Variants in RAB22A observed in about 807,000 individuals in gnomAD.
RAB22A encodes the protein RAB22A, member RAS oncogene family, also known as ras-related protein Rab-22A.
Under a neutral mutation model 30.2 loss-of-function variants are expected in RAB22A, and 13 were observed. The observed-to-expected ratio is 0.43, with a 90% CI of 0.28 to 0.68. The LOEUF (loss-of-function observed/expected upper bound fraction) is 0.68, where lower values mean the gene tolerates loss of function less well. Among genes scored for constraint, RAB22A ranks in the 30% least tolerant of loss-of-function variants. RAB22A has a pLI of 0.18. For synonymous variants in RAB22A, 89 were observed against 87.2 expected (o/e 1.02, Z -0.11); for missense variants, 177 against 246.8 (o/e 0.72, Z 1.89).
At chr20:58,328,150 C>T (rs1386118997) in intron 2 of RAB22A, among the ~76,000 whole-genome samples, 1 of 152,120 alleles carries the variant, frequency 6.6e-6, no homozygotes, top group Non-Finnish European at 1.5e-5. Context: ...AAATCCTATA[C>T]CTGCAACTTT....
intron 2 of RAB22A, among the ~76,000 whole-genome samples, chr20:58,322,477 A>T (rs188794408): frequency 6.6e-6 from 1 of 152,356 alleles, no homozygotes; most frequent in Admixed American, 6.5e-5. Context: ...ACTGATTTAC[A>T]TCATTTTTAT....
chr20:58,333,310 TCCCGCC>T (rs1338152831), intron 2 of RAB22A, among the ~76,000 whole-genome samples: 1 of 150,980 alleles, frequency 6.6e-6, no homozygotes, highest in Admixed American at 6.6e-5. Context: ...AATAAATAAA[TCCCGCC>T]AGCTAATTCT....
At position 58,363,250 on chromosome 20, in the gene RAB22A, A is replaced by G. The variant is rs1417229516; in HGVS notation, c.*3547A>G. The G allele has an allele frequency of 6.6e-6, 1 of 152,222 alleles. No homozygotes were observed. Among genetic ancestry groups the G allele is most frequent in the Non-Finnish European group, 1.5e-5 (1 of 68,036 alleles). The allele number at this position is 152,222 out of a possible 1,614,324, so 9.4% of individuals were successfully genotyped here. On this transcript the variant is annotated 3_prime_UTR_variant, in exon 7 of 7. Coordinates refer to ENST00000244040, the MANE Select transcript of RAB22A (RefSeq NM_020673.3). ...AGGCATCTTTTAGATTCTAAGAGTG[A>G]GTTACAGAATTCTTTTTGGTACTTT... is the stretch of plus-strand genomic sequence containing the variant.
At chr20:58,315,790 A>G (rs925866622) in intron 2 of RAB22A, among the ~76,000 whole-genome samples, 3 of 151,724 alleles carry the variant, frequency 2.0e-5, no homozygotes, top group Admixed American at 6.6e-5. Flanking sequence ...CCCTCATCCT[A>G]TCTTGCCGGG....
intron 6 of RAB22A, among the ~76,000 whole-genome samples, chr20:58,358,630 C>G (rs1231994072): frequency 6.6e-6 from 1 of 152,208 alleles, no homozygotes; most frequent in Non-Finnish European, 1.5e-5. Context: ...CACAGTGGCT[C>G]ACATCAGTAA....
intron 2 of RAB22A, among the ~76,000 whole-genome samples, chr20:58,334,666 T>C (rs188253460): frequency 1.6e-4 from 24 of 150,308 alleles, no homozygotes; most frequent in African/African-American, 5.8e-4. Context: ...CTCCGTGATA[T>C]AAAATATATC....
At chr20:58,323,462 T>C (rs988334968) in intron 2 of RAB22A, among the ~76,000 whole-genome samples, 4 of 152,076 alleles carry the variant, frequency 2.6e-5, no homozygotes, top group Non-Finnish European at 5.9e-5. Flanking sequence ...ATTTTACTTA[T>C]TCTATGAGAT....
At chr20:58,353,214 G>C (rs907726906) in intron 3 of RAB22A, 59 bp from the exon 4 acceptor site, 5 of 1,438,516 alleles carry the variant, frequency 3.5e-6, no homozygotes, top group Non-Finnish European at 4.9e-6. Flanking sequence ...TATAAATCTA[G>C]TATAAAACAT....
At chr20:58,313,294 A>G (rs1986267763) in intron 2 of RAB22A, among the ~76,000 whole-genome samples, 1 of 152,160 alleles carries the variant, frequency 6.6e-6, no homozygotes, top group Non-Finnish European at 1.5e-5. Context: ...AAAATAGCAT[A>G]CAAGGCTTTC....
chr20:58,327,086 C>A (rs935132092), intron 2 of RAB22A, among the ~76,000 whole-genome samples: 5 of 152,068 alleles, frequency 3.3e-5, no homozygotes, highest in Admixed American at 1.3e-4. Flanking sequence ...GTGGGAGGAA[C>A]GCTTGAGACC....
At chr20:58,345,315 A>G (rs1357343493) in intron 3 of RAB22A, 1 of 152,154 alleles carries the variant, frequency 6.6e-6, no homozygotes, top group Non-Finnish European at 1.5e-5. Flanking sequence ...AAAAAAAATA[A>G]CACAAAGGTG....
intron 2 of RAB22A, among the ~76,000 whole-genome samples, chr20:58,340,199 G>A (rs558962154): frequency 1.4e-4 from 21 of 152,198 alleles, no homozygotes; most frequent in Non-Finnish European, 2.5e-4. Context: ...TCCAAAAAGC[G>A]ATATGACTTC....
At position 58,367,419 on chromosome 20, in the gene RAB22A, C is replaced by A. The variant is rs926665820; in HGVS notation, c.*7716C>A. On this transcript the variant is annotated 3_prime_UTR_variant, in exon 7 of 7. Transcript: ENST00000244040. Reference sequence around the variant, plus strand: ...TTTAGCTTGAATATTCTATAATACACTTTTATAGAGTATAACATGCTAAAT... The same window carrying A: ...TTTAGCTTGAATATTCTATAATACAATTTTATAGAGTATAACATGCTAAAT... 3.3e-5 allele frequency: 5 copies of A among 152,558 alleles called. No homozygotes were observed. Among genetic ancestry groups the A allele is most frequent in the African/African-American group, 1.2e-4 (5 of 41,436 alleles). The allele number at this position is 152,558 out of a possible 1,614,324, so 9.5% of individuals were successfully genotyped here. A position where few individuals can be genotyped will look rare whatever the true frequency, so the allele number is the denominator to read the frequency against.
At position 58,343,698 on chromosome 20, in the gene RAB22A, A is replaced by G. The variant is rs769134518; in HGVS notation, c.117-20A>G. 5 of 1,572,074 alleles carry G rather than the reference A, an allele frequency of 3.2e-6. No individual in the cohort carries two copies. In the East Asian group the frequency reaches 1.1e-4, roughly 35 times the overall value. On this transcript the variant is annotated intron_variant, in intron 2 of 6. Coordinates refer to ENST00000244040, the MANE Select transcript of RAB22A (RefSeq NM_020673.3). ...TGCTTTACATAATTGTATTCTGATC[A>G]TTTAGGTCTCTCTTTATAGGGCATC...
chr20:58,359,660 A>G lies in RAB22A; in HGVS notation c.542A>G (p.Lys181Arg), dbSNP rs1321794340. The G allele has an allele frequency of 2.5e-6, 4 of 1,613,206 alleles. No individual in the cohort carries two copies. Among genetic ancestry groups the G allele is most frequent in the African/African-American group, 1.3e-5 (1 of 75,008 alleles). The change falls in exon 7 of 7, where the codon AAA (lysine) becomes AGA (arginine). Residue 181 changes from lysine to arginine, a missense_variant. By Grantham distance (26) the Lys-to-Arg change is conservative (BLOSUM62 2). Transcript: ENST00000244040. ...CTGCCATCTGGCGGTAAGGGCTTCA[A>G]ACTCCGAAGACAGCCTTCAGAGCCA... is the stretch of plus-strand genomic sequence containing the variant. The part of the protein sequence containing the change: ...ANLPSGGKGF[K>R]LRRQPSEPKR...
chr20:58,343,125 C>G (rs1244549320), intron 2 of RAB22A, among the ~76,000 whole-genome samples: 1 of 152,126 alleles, frequency 6.6e-6, no homozygotes, highest in Non-Finnish European at 1.5e-5. Context: ...GCTGAGAAAC[C>G]CGTTTTGTCG....
chr20:58,338,070 A>G (rs549714984), intron 2 of RAB22A, among the ~76,000 whole-genome samples: 2 of 151,848 alleles, frequency 1.3e-5, no homozygotes, highest in South Asian at 4.2e-4. Flanking sequence ...CTTGTCGCCC[A>G]GACTGGAGTG....
chr20:58,354,999 T>C (rs1987109313), intron 6 of RAB22A, among the ~76,000 whole-genome samples: 2 of 152,156 alleles, frequency 1.3e-5, no homozygotes, highest in Admixed American at 6.5e-5. Flanking sequence ...CTGCAAGCAA[T>C]TGGGGAAGGT....
rs1447462235 is a variant in RAB22A at position 58,364,793 on chromosome 20, G to C, written c.*5090G>C. The C allele has an allele frequency of 1.3e-4, 19 of 149,344 alleles. No homozygotes were observed. In the East Asian group the frequency reaches 3.7e-3, roughly 29 times the overall value. 9.3% of individuals were successfully genotyped at this position (149,344 alleles called of 1,614,324 possible). On this transcript the variant is annotated 3_prime_UTR_variant, in exon 7 of 7. Coordinates refer to ENST00000244040, the MANE Select transcript of RAB22A (RefSeq NM_020673.3). ...ACTCTGTCGCCCAGGCTGGTATGCA[G>C]TGGCGCGATCTCAGCTCACTGCAAC...
Sources: gnomAD v4.1 joint callset for allele counts (sites outside exome capture counted in the v4.1 genomes callset) on GRCh38, gnomAD v4.1.1 for gene constraint, MANE v1.5 for transcripts, NCBI Gene and HGNC (gene_info 2026-07-23, HGNC 2026-07-21) for gene names.